The following METTL25 variants were observed in gnomAD, a reference collection of about 807,000 sequenced individuals.
METTL25 encodes probable methyltransferase-like protein 25.
Under a neutral mutation model 71.6 loss-of-function variants are expected in METTL25, and 64 were observed. The ratio of observed to expected loss-of-function variants is 0.89; its 90% CI spans 0.73 to 1.10. The LOEUF (loss-of-function observed/expected upper bound fraction) is 1.10, where lower values mean the gene tolerates loss of function less well. Ranked by LOEUF, METTL25 falls within the 50% of genes least tolerant of loss-of-function variation. The pLI, the probability that METTL25 is intolerant of heterozygous loss-of-function variation, is 0.00. For synonymous variants in METTL25, 287 were observed against 250.3 expected (o/e 1.15, Z -1.38); for missense variants, 807 against 707.0 (o/e 1.14, Z -1.60).
At chr12:82,376,010 A>C (rs1168833488) in intron 1 of METTL25, among the ~76,000 whole-genome samples, 1 of 152,234 alleles carries the variant, frequency 6.6e-6, no homozygotes, top group East Asian at 1.9e-4. Context: ...AACAAAATGG[A>C]AGATGAATGG....
At chr12:82,371,124 A>T (rs1285341498) in intron 1 of METTL25, among the ~76,000 whole-genome samples, 1 of 152,248 alleles carries the variant, frequency 6.6e-6, no homozygotes, top group Non-Finnish European at 1.5e-5. Context: ...CTGTCCCAGG[A>T]TTCCTCAGGT....
In METTL25 at chr12:82,358,945, G is replaced by C. The variant is rs1476152063; in HGVS notation, c.259+121G>C. 7 of 1,231,928 alleles carry C rather than the reference G, an allele frequency of 5.7e-6. No homozygotes were observed. In the East Asian group the frequency reaches 1.5e-4, roughly 27 times the overall value. 76.3% of individuals were successfully genotyped at this position (1,231,928 alleles called of 1,614,324 possible). A position where few individuals can be genotyped will look rare whatever the true frequency, so the allele number is the denominator to read the frequency against. On this transcript the variant is annotated intron_variant, in intron 1 of 11. Coordinates refer to ENST00000248306, the MANE Select transcript of METTL25 (RefSeq NM_032230.3). ...CGTGGCGGCGGAGGCGGGGCGGCCC[G>C]CTGGGAAACCGAGGAGGGGTCGGAT...
At chr12:82,406,353 GT>G (rs971003547) in intron 5 of METTL25, among the ~76,000 whole-genome samples, 9 of 151,902 alleles carry the variant, frequency 5.9e-5, no homozygotes, top group South Asian at 2.1e-4. Flanking sequence ...TACCTATATT[GT>G]TTTTTTATGT....
intron 5 of METTL25, among the ~76,000 whole-genome samples, chr12:82,426,507 G>A (rs918138727): frequency 2.6e-5 from 4 of 151,924 alleles, no homozygotes; most frequent in Non-Finnish European, 4.4e-5. Flanking sequence ...TCCTTCATAC[G>A]TTGTTAAATA....
At chr12:82,462,679 G>A (rs531567236) in intron 9 of METTL25, among the ~76,000 whole-genome samples, 45 of 152,080 alleles carry the variant, frequency 3.0e-4, no homozygotes, top group African/African-American at 1.1e-3. Context: ...AGTTTATCAT[G>A]AAAGCAGTCT....
chr12:82,374,901 G>A (rs1883667437), intron 1 of METTL25, among the ~76,000 whole-genome samples: 1 of 152,192 alleles, frequency 6.6e-6, no homozygotes, highest in Non-Finnish European at 1.5e-5. Flanking sequence ...TAGAGATGAA[G>A]GATGTGTGCT....
intron 9 of METTL25, among the ~76,000 whole-genome samples, chr12:82,472,180 A>G (rs1360687366): frequency 6.6e-6 from 1 of 152,232 alleles, no homozygotes; most frequent in Admixed American, 6.5e-5. Flanking sequence ...CCAATTGTTC[A>G]CTTATGTCTA....
intron 7 of METTL25, 161 bp from the exon 8 acceptor site, chr12:82,438,557 T>A: frequency 3.1e-6 from 1 of 320,028 alleles, no homozygotes; most frequent in Non-Finnish European, 5.8e-6. Context: ...AGAATTAGCC[T>A]CAGGGTAACA....
intron 8 of METTL25, among the ~76,000 whole-genome samples, chr12:82,440,663 T>A (rs982259914): frequency 6.6e-6 from 1 of 152,066 alleles, no homozygotes; most frequent in East Asian, 1.9e-4. Context: ...GAACAATTTA[T>A]GTTCTAGTCA....
intron 9 of METTL25, among the ~76,000 whole-genome samples, chr12:82,463,111 A>G (rs909058190): frequency 2.6e-5 from 4 of 151,998 alleles, no homozygotes; most frequent in African/African-American, 9.7e-5. Context: ...ATTTGAAACT[A>G]TATAGTATAT....
intron 5 of METTL25, among the ~76,000 whole-genome samples, chr12:82,421,868 A>G (rs1286358886): frequency 6.6e-6 from 1 of 152,196 alleles, no homozygotes; most frequent in Non-Finnish European, 1.5e-5. Flanking sequence ...ATCTCTTAAT[A>G]GAACAATAAC....
intron 6 of METTL25, among the ~76,000 whole-genome samples, chr12:82,433,464 A>G (rs2137158959): frequency 6.6e-6 from 1 of 151,818 alleles, no homozygotes; most frequent in East Asian, 1.9e-4. Flanking sequence ...CAGTGAAAGT[A>G]TCCTTCAAGT....
At chr12:82,431,020 T>C in intron 6 of METTL25, 33 bp downstream of exon 6, 1 of 1,387,450 alleles carries the variant, frequency 7.2e-7, no homozygotes, top group South Asian at 1.2e-5. Context: ...AGTAACAGCT[T>C]TATCCAGATG....
At chr12:82,364,310 TC>T (rs1052543720) in intron 1 of METTL25, among the ~76,000 whole-genome samples, 4 of 152,248 alleles carry the variant, frequency 2.6e-5, no homozygotes, top group African/African-American at 9.6e-5. Flanking sequence ...CCATAATATC[TC>T]ATTCACGGAG....
intron 5 of METTL25, among the ~76,000 whole-genome samples, chr12:82,417,405 A>C (rs944575581): frequency 1.3e-5 from 2 of 152,192 alleles, no homozygotes; most frequent in Non-Finnish European, 2.9e-5. Flanking sequence ...TAAGTAATAA[A>C]TATATTCACA....
At chr12:82,427,188 C>T (rs1032169377) in intron 5 of METTL25, among the ~76,000 whole-genome samples, 1 of 151,932 alleles carries the variant, frequency 6.6e-6, no homozygotes, top group Non-Finnish European at 1.5e-5. Flanking sequence ...GCACACTACC[C>T]ATACTCCTCA....
chr12:82,449,948 CACCCTGTT>C (rs1401801864), intron 8 of METTL25, among the ~76,000 whole-genome samples: 1 of 152,098 alleles, frequency 6.6e-6, no homozygotes, highest in Non-Finnish European at 1.5e-5. Context: ...TCCAGCAAAC[CACCCTGTT>C]CTGGAACATG....
Position 82,477,350 on chromosome 12 carries a change from C to A in METTL25, c.1717C>A (p.Gln573Lys). ...GGATCGACTTTGTTACCTGAAAGAG[C>A]AGGTAAATTATGTTATTTTAAAATA... is the stretch of plus-strand genomic sequence containing the variant. ...LLDRLCYLKE[Q>K]EDIAWSALVK... The change falls in exon 11 of 12, where the codon CAG becomes AAG. Residue 573 changes from glutamine (Q) to lysine (K), a missense_variant and splice_region_variant. Physicochemically the swap from Gln to Lys is moderately conservative, Grantham distance 53 (BLOSUM62 1). Coordinates refer to ENST00000248306, the MANE Select transcript of METTL25 (RefSeq NM_032230.3). 1 of 1,516,462 alleles carries A rather than the reference C, an allele frequency of 6.6e-7. No homozygotes were observed. Among genetic ancestry groups the A allele is most frequent in the Middle Eastern group, 1.7e-4 (1 of 5,744 alleles). 93.9% of individuals were successfully genotyped at this position (1,516,462 alleles called of 1,614,324 possible).
chr12:82,436,715 A>G (rs958227010), intron 7 of METTL25, among the ~76,000 whole-genome samples: 4 of 151,574 alleles, frequency 2.6e-5, no homozygotes, highest in African/African-American at 9.7e-5. Context: ...CATTTTAATA[A>G]CAATATAAAT....
Sources: gnomAD v4.1 joint callset for allele counts (sites outside exome capture counted in the v4.1 genomes callset) on GRCh38, gnomAD v4.1.1 for gene constraint, MANE v1.5 for transcripts, NCBI Gene and HGNC (gene_info 2026-07-23, HGNC 2026-07-21) for gene names.